Variants in OTOGL observed in about 807,000 individuals in gnomAD.
OTOGL encodes otogelin-like protein.
Under a neutral mutation model 318.5 loss-of-function variants are expected in OTOGL, and 285 were observed. The observed-to-expected ratio is 0.89, with a 90% confidence interval of 0.81 to 0.99. The LOEUF (loss-of-function observed/expected upper bound fraction) is 0.99, where lower values mean the gene tolerates loss of function less well. OTOGL is among the 50% of genes least tolerant of loss of function. The pLI is 0.00. For missense variants in OTOGL, 2,899 were observed against 2,845.6 expected (o/e 1.02, Z -0.43); for synonymous variants, 987 against 936.5 (o/e 1.05, Z -0.99).
At chr12:80,266,710 A>C in intron 21 of OTOGL, 94 bp downstream of exon 21, 1 of 1,261,624 alleles carries the variant, frequency 7.9e-7, no homozygotes, top group East Asian at 2.6e-5. Context: ...TGAAAAAAAT[A>C]TTTCTTATTG....
chr12:80,318,494 A>G, intron 32 of OTOGL, 52 bp from the exon 33 acceptor site: 1 of 1,161,822 alleles, frequency 8.6e-7, no homozygotes, highest in Non-Finnish European at 1.1e-6. Context: ...TGACAGATTG[A>G]AATTTTAAAA....
At chr12:80,370,743 C>T in intron 56 of OTOGL, 54 bp downstream of exon 56, 2 of 1,297,496 alleles carry the variant, frequency 1.5e-6, no homozygotes, top group Non-Finnish European at 2.1e-6. Context: ...TTAGAAAATA[C>T]ACATTGATAT....
intron 1 of OTOGL, chr12:80,103,443 C>G (rs1042081359): frequency 3.1e-5 from 19 of 608,506 alleles, no homozygotes; most frequent in African/African-American, 1.9e-4. Context: ...AGAATGTTGT[C>G]CCTTCTCTTC....
chr12:80,344,673 A>G (rs1181087684), intron 44 of OTOGL, among the ~76,000 whole-genome samples: 1 of 152,152 alleles, frequency 6.6e-6, no homozygotes, highest in Non-Finnish European at 1.5e-5. Context: ...TTTAAGGATA[A>G]TTACTAGAAT....
chr12:80,328,587 C>A, intron 35 of OTOGL, 78 bp from the exon 36 acceptor site: 1 of 1,060,654 alleles, frequency 9.4e-7, no homozygotes, highest in Non-Finnish European at 1.4e-6. Context: ...ATCTTAGTCG[C>A]ATATGTTAAA....
At chr12:80,289,758 A>T (rs7302499) in intron 26 of OTOGL, among the ~76,000 whole-genome samples, 27,967 of 152,112 alleles carry the variant, frequency 0.18, 3,109 homozygotes, top group African/African-American at 0.3. Flanking sequence ...ACCAAGGTCA[A>T]TCGTCCCAGG....
intron 40 of OTOGL, 84 bp downstream of exon 40, chr12:80,336,639 G>T (rs1012985641): frequency 3.4e-6 from 5 of 1,483,020 alleles, no homozygotes; most frequent in Non-Finnish European, 4.6e-6. Flanking sequence ...CTCACAGGAG[G>T]AGGGAGCTCA....
At position 80,342,093 on chromosome 12, in the gene OTOGL, T is replaced by C; in HGVS notation, c.5196T>C (p.Cys1732=). ...EVTMRRPVRN[C]TEHDCSQCID... ...CAATGAGAAGACCTGTTAGGAATTG[T>C]ACTGAGCATGATTGCAGCCAGTGCA... The change falls in exon 44 of 59, where the codon TGT becomes TGC. Residue 1732 remains cysteine, a synonymous_variant. Coordinates refer to ENST00000547103, the MANE Select transcript of OTOGL (RefSeq NM_001378609.3). 1 of 1,606,356 alleles carries C rather than the reference T, an allele frequency of 6.2e-7. No individual in the cohort carries two copies. The highest frequency in any genetic ancestry group is 8.5e-7 in the Non-Finnish European group (1 of 1,175,780).
At chr12:80,181,975 G>A (rs2137241404) in intron 1 of OTOGL, among the ~76,000 whole-genome samples, 1 of 152,064 alleles carries the variant, frequency 6.6e-6, no homozygotes, top group South Asian at 2.1e-4. Context: ...ACCAGTCTAG[G>A]CAACATAGTG....
chr12:80,338,976 A>C (rs1486994968), intron 42 of OTOGL, 99 bp from the exon 43 acceptor site: 19 of 1,020,766 alleles, frequency 1.9e-5, no homozygotes, highest in Admixed American at 6.2e-5. Flanking sequence ...AAAATTAAAA[A>C]ATAGTTTACA....
At chr12:80,206,325 G>C (rs1166111719) in intron 1 of OTOGL, among the ~76,000 whole-genome samples, 2 of 152,120 alleles carry the variant, frequency 1.3e-5, no homozygotes, top group African/African-American at 4.8e-5. Flanking sequence ...AGTTCATAAT[G>C]TAGTTAGTTG....
At chr12:80,200,536 G>A (rs1876384453) in intron 1 of OTOGL, among the ~76,000 whole-genome samples, 1 of 152,160 alleles carries the variant, frequency 6.6e-6, no homozygotes, top group Non-Finnish European at 1.5e-5. Flanking sequence ...TTGAGCCCTT[G>A]GCTTGTGAAC....
chr12:80,150,239 T>A (rs576555723), intron 1 of OTOGL, among the ~76,000 whole-genome samples: 2 of 152,254 alleles, frequency 1.3e-5, no homozygotes, highest in Non-Finnish European at 2.9e-5. Flanking sequence ...TGAGCCAAAC[T>A]TCTTTCAAGA....
At chr12:80,292,388 C>T (rs894536053) in intron 26 of OTOGL, among the ~76,000 whole-genome samples, 7 of 152,224 alleles carry the variant, frequency 4.6e-5, no homozygotes, top group African/African-American at 1.7e-4. Flanking sequence ...AGTTCAGTCC[C>T]ATGCAGTTAA....
intron 1 of OTOGL, among the ~76,000 whole-genome samples, chr12:80,159,564 A>G (rs2137189072): frequency 6.6e-6 from 1 of 152,226 alleles, no homozygotes; most frequent in South Asian, 2.1e-4. Context: ...GAACTCTACA[A>G]GAAAAACTAC....
At chr12:80,254,975 CCTCT>C (rs771199058) in intron 15 of OTOGL, 61 bp from the exon 16 acceptor site, 1 of 1,269,556 alleles carries the variant, frequency 7.9e-7, no homozygotes. Context: ...GTATCATCCT[CCTCT>C]CTCTCCTCCT....
Position 80,217,588 on chromosome 12 carries a change from T to C in OTOGL, c.169-10T>C. 1 of 1,509,754 alleles carries C rather than the reference T, an allele frequency of 6.6e-7. No individual in the cohort carries two copies. Among genetic ancestry groups the C allele is most frequent in the South Asian group, 1.2e-5 (1 of 84,002 alleles). The allele number at this position is 1,509,754 out of a possible 1,614,324, so 93.5% of individuals were successfully genotyped here. On this transcript the variant is annotated splice_polypyrimidine_tract_variant and intron_variant, in intron 4 of 58. Coordinates refer to ENST00000547103, the MANE Select transcript of OTOGL (RefSeq NM_001378609.3). Reference sequence around the variant, plus strand: ...TAACTGTATTGCATTCTCATTTCTTTCTTTCAAAGTTTGAAGCTACTTCTC... The same window carrying C: ...TAACTGTATTGCATTCTCATTTCTTCCTTTCAAAGTTTGAAGCTACTTCTC...
chr12:80,352,219 A>G (rs1889591822), intron 44 of OTOGL, 76 bp from the exon 45 acceptor site: 1 of 1,321,704 alleles, frequency 7.6e-7, no homozygotes, highest in African/African-American at 1.5e-5. Flanking sequence ...TGATTCTCCA[A>G]ATAATCTTAG....
intron 1 of OTOGL, among the ~76,000 whole-genome samples, chr12:80,138,991 A>G (rs1871753481): frequency 6.6e-6 from 1 of 152,182 alleles, no homozygotes; most frequent in South Asian, 2.1e-4. Context: ...TTTGTACTGC[A>G]GAGATTGGGA....
Sources: allele counts gnomAD v4.1 joint callset (sites outside exome capture counted in the v4.1 genomes callset), GRCh38; gene constraint gnomAD v4.1.1; transcripts MANE v1.5; gene names NCBI Gene and HGNC (gene_info 2026-07-23, HGNC 2026-07-21).